DUS3L: variants seen among roughly 807,000 people sequenced by gnomAD.
The protein encoded by DUS3L is tRNA-dihydrouridine(47) synthase [NAD(P)(+)]-like.
A neutral mutation model predicts 74.6 loss-of-function variants in DUS3L; 62 were observed. The observed-to-expected ratio is 0.83, with a 90% CI of 0.68 to 1.03. DUS3L has a LOEUF of 1.03. Ranked by LOEUF, DUS3L falls within the 50% of genes least tolerant of loss-of-function variation. DUS3L has a pLI of 0.00. For missense variants in DUS3L, 884 were observed against 924.4 expected (o/e 0.96, Z 0.57); for synonymous variants, 433 against 395.7 (o/e 1.09, Z -1.12).
chr19:5,787,014 C>G, intron 8 of DUS3L, 47 bp downstream of exon 8: 1 of 1,501,298 alleles, frequency 6.7e-7, no homozygotes, highest in Non-Finnish European at 8.9e-7. Flanking sequence ...GGAAGGGACG[C>G]GGGGTCGACC....
intron 3 of DUS3L, among the ~76,000 whole-genome samples, chr19:5,788,960 G>A (rs1246707693): frequency 6.6e-6 from 1 of 152,148 alleles, no homozygotes; most frequent in Non-Finnish European, 1.5e-5. Context: ...GCCTGCCTCA[G>A]CCTCCCAAAG....
intron 8 of DUS3L, 45 bp from the exon 9 acceptor site, chr19:5,786,890 CGCAGAGAGGA>C (rs1568385910): frequency 6.4e-7 from 1 of 1,562,226 alleles, no homozygotes; most frequent in Admixed American, 1.9e-5. Context: ...GAGAGTGAGA[CGCAGAGAGGA>C]AGAGACCAAG....
At chr19:5,789,014 GCT>G (rs67659818) in intron 3 of DUS3L, 191 bp downstream of exon 3, 43,197 of 742,430 alleles carry the variant, frequency 0.058, 1,466 homozygotes, top group Admixed American at 0.097. Flanking sequence ...GCCCTGTCCA[GCT>G]CTTTCTGTCC....
intron 3 of DUS3L, 22 bp from the exon 4 acceptor site, chr19:5,788,420 C>A: frequency 6.2e-7 from 1 of 1,609,034 alleles, no homozygotes. Flanking sequence ...AAAATACACA[C>A]AAGTGGAGCT....
Position 5,788,194 on chromosome 19 carries a change from C to T in DUS3L, c.943-18G>A, listed in dbSNP as rs780465291. ...TTCCCACACTGCGGGGGGAGCAGGACAGACACACATGCTCTTGCACGCGCA... is the reference window on the plus strand; with the variant it reads ...TTCCCACACTGCGGGGGGAGCAGGATAGACACACATGCTCTTGCACGCGCA... On this transcript the variant is annotated intron_variant, in intron 4 of 12. Transcript: ENST00000309061. 1 of 1,613,026 alleles carries T rather than the reference C, an allele frequency of 6.2e-7. No individual in the cohort carries two copies. The highest frequency in any genetic ancestry group is 1.1e-5 in the South Asian group (1 of 91,062).
Position 5,785,790 on chromosome 19 carries a change from C to G in DUS3L, c.1564G>C (p.Gly522Arg). The G allele has an allele frequency of 6.3e-7, 1 of 1,587,130 alleles. No homozygotes were observed. Among genetic ancestry groups the G allele is most frequent in the Non-Finnish European group, 8.6e-7 (1 of 1,167,506 alleles). Residue 522 changes from glycine (G) to arginine (R), a missense_variant and splice_region_variant, in exon 11 of 13, where the codon GGC (glycine) becomes CGC (arginine). Physicochemically the swap from Gly to Arg is moderately radical, Grantham distance 125 (BLOSUM62 -2). Coordinates refer to ENST00000309061, the MANE Select transcript of DUS3L (RefSeq NM_020175.3). ...AAGAGCCACGGCTTGAGCAGGGCGC[C>G]ACTGTGGGACGGGTGACGATCAGTG... ...TGVTGIMIAR[G>R]ALLKPWLFTE...
intron 4 of DUS3L, 26 bp downstream of exon 4, chr19:5,788,331 G>A (rs754950443): frequency 5.6e-6 from 9 of 1,613,466 alleles, no homozygotes; most frequent in African/African-American, 1.3e-5. Context: ...CCTGCCACCC[G>A]ACCAGCCACC....
At position 5,787,104 on chromosome 19, in the gene DUS3L, C is replaced by T. The variant is rs762832615; in HGVS notation, c.1346G>A (p.Arg449His). The change falls in exon 8 of 13, where the codon CGC becomes CAC. Residue 449 changes from arginine to histidine, a missense_variant. Coordinates refer to ENST00000309061, the MANE Select transcript of DUS3L (RefSeq NM_020175.3). ...GVQERVNLAHRLLPELRDWGV... is the reference protein window; with the variant it reads ...GVQERVNLAHHLLPELRDWGV... Reference sequence around the variant, plus strand: ...CCAGTCCCGCAGCTCGGGCAGCAGGCGGTGCGCCAGGTTCACACGCTCCTG... The same window carrying T: ...CCAGTCCCGCAGCTCGGGCAGCAGGTGGTGCGCCAGGTTCACACGCTCCTG... The T allele has an allele frequency of 2.6e-5, 26 of 988,716 alleles. No homozygotes were observed. Among genetic ancestry groups the T allele is most frequent in the South Asian group, 2.3e-4 (9 of 39,530 alleles). The allele number at this position is 988,716 out of a possible 1,614,324, so 61.2% of individuals were successfully genotyped here.
rs558635329 is a variant in DUS3L at position 5,791,024 on chromosome 19, C to A, written c.98+20G>T. The A allele has an allele frequency of 4.4e-6, 7 of 1,581,654 alleles. No individual in the cohort carries two copies. The African/African-American group carries it at 6.7e-5, about 15-fold the overall frequency. ...TGCCGGAAAAGGCCCTTCAGCTTCC[C>A]TCCTGCCCCGGCGACTCACTGACGC... On this transcript the variant is annotated intron_variant, in intron 1 of 12. Transcript: ENST00000309061.
intron 7 of DUS3L, 46 bp downstream of exon 7, chr19:5,787,250 C>CG: frequency 7.9e-6 from 1 of 127,208 alleles, no homozygotes; most frequent in East Asian, 2.1e-4. Context: ...AGACAGGGCC[C>CG]GGGGGAGTTG....
intron 1 of DUS3L, chr19:5,790,789 A>C (rs2056902674): frequency 3.4e-6 from 2 of 590,084 alleles, no homozygotes; most frequent in Admixed American, 6.1e-5. Context: ...AATCCCCAGT[A>C]TGCAGCGCGG....
At chr19:5,787,223 CGGTGGGAGGTGGTGGGAGA>C in intron 7 of DUS3L, 52 bp from the exon 8 acceptor site, 2 of 257,926 alleles carry the variant, frequency 7.8e-6, no homozygotes, top group Non-Finnish European at 1.2e-5. Context: ...TGGTGGGAGA[CGGTGGGAGGTGGTGGGAGA>C]CAGGGCCCGG....
Position 5,788,407 on chromosome 19 carries a change from A to G in DUS3L, c.901-9T>C, listed in dbSNP as rs751671109. On this transcript the variant is annotated splice_polypyrimidine_tract_variant and intron_variant, in intron 3 of 12. Coordinates refer to ENST00000309061, the MANE Select transcript of DUS3L (RefSeq NM_020175.3). ...TTGCCACGGATGTCCAGCTGGAGGG[A>G]AAAAAATACACACAAGTGGAGCTTG... is the stretch of plus-strand genomic sequence containing the variant. 6.2e-7 allele frequency: 1 copy of G among 1,611,056 alleles called. No homozygotes were observed. Among genetic ancestry groups the G allele is most frequent in the Non-Finnish European group, 8.5e-7 (1 of 1,178,932 alleles).
At chr19:5,787,813 C>A in intron 5 of DUS3L, 108 bp from the exon 6 acceptor site, 3 of 1,461,094 alleles carry the variant, frequency 2.1e-6, no homozygotes, top group Non-Finnish European at 1.9e-6. Context: ...CCTCCTCTCT[C>A]GGGGCCTCCC....
chr19:5,786,347 C>G, intron 10 of DUS3L, 120 bp downstream of exon 10: 1 of 945,232 alleles, frequency 1.1e-6, no homozygotes, highest in South Asian at 1.6e-5. Flanking sequence ...ACATCGCTCT[C>G]TGCTCCTCCC....
rs756401002 is a variant in DUS3L, at chr19:5,788,050, G to A, written c.1069C>T (p.Gln357Ter). 1.2e-6 allele frequency: 2 copies of A among 1,613,544 alleles called. No individual in the cohort carries two copies. Among genetic ancestry groups the A allele is most frequent in the Admixed American group, 3.3e-5 (2 of 60,014 alleles). ...TGGACGCCAAAGATGTCCTCACACTGGTGGCGTTTGAGTAGGGCCCACTCG... is the reference window on the plus strand; with the variant it reads ...TGGACGCCAAAGATGTCCTCACACTAGTGGCGTTTGAGTAGGGCCCACTCG... Reference protein sequence around the residue: ...MSEWALLKRHQCEDIFGVQLE... With the variant: ...MSEWALLKRH The change falls in exon 5 of 13, where the codon CAG becomes TAG. Residue 357 changes from glutamine to a stop codon, truncating the protein, a stop_gained. Transcript: ENST00000309061. LOFTEE classifies it high-confidence loss of function.
chr19:5,787,824 C>T (rs924438185), intron 5 of DUS3L, 119 bp from the exon 6 acceptor site: 8 of 1,445,446 alleles, frequency 5.5e-6, no homozygotes, highest in Middle Eastern at 2.3e-4. Flanking sequence ...GGGGCCTCCC[C>T]GGAAGGAGCC....
chr19:5,790,697 C>A, intron 1 of DUS3L: 1 of 540,968 alleles, frequency 1.8e-6, no homozygotes, highest in South Asian at 2.2e-5. Context: ...GCACGCCCCG[C>A]GGCACTCGCT....
At chr19:5,787,194 G>GGTGGGGGATGGTGGGAGGTC (rs2056853873) in intron 7 of DUS3L, 23 bp from the exon 8 acceptor site, 2 of 325,540 alleles carry the variant, frequency 6.1e-6, no homozygotes, top group Non-Finnish European at 1.1e-5. Flanking sequence ...GGTGGGAGGT[G>GGTGGGGGATGGTGGGAGGTC]GTGGGAGATG....
Sources: allele counts gnomAD v4.1 joint callset (sites outside exome capture counted in the v4.1 genomes callset), GRCh38; gene constraint gnomAD v4.1.1; transcripts MANE v1.5; gene names NCBI Gene and HGNC (gene_info 2026-07-23, HGNC 2026-07-21).